The following MSRA variants were observed in gnomAD, a reference collection of about 807,000 sequenced individuals.
The protein encoded by MSRA is mitochondrial peptide methionine sulfoxide reductase.
MSRA carries 54 observed loss-of-function variants against 31.3 expected under a neutral mutation model. The ratio of observed to expected loss-of-function variants is 1.73; its 90% CI spans 1.39 to 2.17. The LOEUF is 2.17. Among genes scored for constraint, MSRA ranks in the 30% most tolerant of loss-of-function variants. The probability of loss-of-function intolerance (pLI) is 0.00; values close to 1 mark genes in which losing one functional copy is unlikely to be tolerated. For synonymous variants in MSRA, 169 were observed against 116.5 expected, an observed-to-expected ratio of 1.45 and a Z score of -2.90; for missense variants, 507 against 300.9, an observed-to-expected ratio of 1.69 and a Z score of -5.07.
intron 1 of MSRA, among the ~76,000 whole-genome samples, chr8:10,125,683 T>A (rs921710904): frequency 7.2e-5 from 11 of 152,164 alleles, no homozygotes; most frequent in South Asian, 2.1e-4. Context: ...CAGCCGAAAG[T>A]CTCTCGTGAA....
intron 1 of MSRA, among the ~76,000 whole-genome samples, chr8:10,187,104 T>C (rs1807121057): frequency 6.6e-6 from 1 of 152,226 alleles, no homozygotes; most frequent in African/African-American, 2.4e-5. Context: ...CATGGGTACC[T>C]GGCAGCATGC....
At chr8:10,332,985 A>T (rs1802793338) in intron 5 of MSRA, among the ~76,000 whole-genome samples, 1 of 152,106 alleles carries the variant, frequency 6.6e-6, no homozygotes, top group Admixed American at 6.5e-5. Flanking sequence ...TCTTTTATTC[A>T]CTTGCACTGA....
At chr8:10,198,323 T>TG (rs1563208368) in intron 1 of MSRA, among the ~76,000 whole-genome samples, 1 of 151,936 alleles carries the variant, frequency 6.6e-6, no homozygotes, top group Non-Finnish European at 1.5e-5. Context: ...TATTTTTTTT[T>TG]TTGTTGTTCT....
At chr8:10,243,053 G>C (rs979505336) in intron 2 of MSRA, among the ~76,000 whole-genome samples, 1 of 152,078 alleles carries the variant, frequency 6.6e-6, no homozygotes, top group African/African-American at 2.4e-5. Context: ...GCTTGGTTTG[G>C]CCAAGAACAT....
rs563654888 is a variant in MSRA, at chr8:10,080,607, C to G, written c.142+25949C>G. Among the ~76,000 whole-genome samples, 12 of 152,050 alleles carry G rather than the reference C, an allele frequency of 7.9e-5. No homozygotes were observed. In the South Asian group the frequency reaches 2.5e-3, roughly 32 times the overall value. On this transcript the variant is annotated intron_variant, in intron 1 of 5. Coordinates refer to ENST00000317173, the MANE Select transcript of MSRA (RefSeq NM_012331.5). ...GTAGCACAGTCCCAGCTTACTGCAG[C>G]CTTGAACTTCTGGGCTCACGCAATC...
At chr8:10,194,562 A>G (rs1362274473) in intron 1 of MSRA, among the ~76,000 whole-genome samples, 1 of 152,216 alleles carries the variant, frequency 6.6e-6, no homozygotes, top group African/African-American at 2.4e-5. Flanking sequence ...CAGAGTGAGG[A>G]AAAAAACCAA....
chr8:10,324,013 G>A (rs202020406), intron 5 of MSRA, among the ~76,000 whole-genome samples: 1 of 152,190 alleles, frequency 6.6e-6, no homozygotes, highest in East Asian at 1.9e-4. Context: ...GAGATGAGTT[G>A]AAAGTTCAGT....
intron 3 of MSRA, among the ~76,000 whole-genome samples, chr8:10,249,630 C>G (rs780516627): frequency 1.3e-5 from 2 of 152,170 alleles, no homozygotes; most frequent in Admixed American, 6.5e-5. Context: ...AGCCACCCAC[C>G]ACCAGCTTCT....
intron 3 of MSRA, among the ~76,000 whole-genome samples, chr8:10,272,811 C>T (rs1799118141): frequency 6.6e-6 from 1 of 152,188 alleles, no homozygotes; most frequent in Non-Finnish European, 1.5e-5. Flanking sequence ...ATCTTTCAAT[C>T]ACTAGACACT....
At chr8:10,258,700 C>T (rs983000031) in intron 3 of MSRA, among the ~76,000 whole-genome samples, 3 of 152,238 alleles carry the variant, frequency 2.0e-5, no homozygotes, top group African/African-American at 7.2e-5. Flanking sequence ...TAGCTCCCTT[C>T]TCCCACGTGG....
chr8:10,268,604 T>TAA (rs1798868332), intron 3 of MSRA, among the ~76,000 whole-genome samples: 1 of 152,242 alleles, frequency 6.6e-6, no homozygotes, highest in Non-Finnish European at 1.5e-5. Context: ...GCTAATTGAC[T>TAA]AACTATACAA....
intron 3 of MSRA, among the ~76,000 whole-genome samples, chr8:10,254,061 T>C (rs4841297): frequency 0.56 from 85,606 of 151,696 alleles, 26,142 homozygotes; most frequent in Non-Finnish European, 0.68. Context: ...GCCTGGGAGT[T>C]ATTTACAAAC....
chr8:10,282,982 T>C (rs939547965), intron 3 of MSRA, among the ~76,000 whole-genome samples: 15 of 152,044 alleles, frequency 9.9e-5, no homozygotes, highest in African/African-American at 3.4e-4. Flanking sequence ...AAATGCATAG[T>C]GTTGCAGACT....
At chr8:10,292,858 G>C (rs1800319269) in intron 3 of MSRA, among the ~76,000 whole-genome samples, 1 of 152,138 alleles carries the variant, frequency 6.6e-6, no homozygotes, top group Non-Finnish European at 1.5e-5. Flanking sequence ...CCGGTGGTGG[G>C]TGTGAGGGGT....
At chr8:10,247,614 C>T (rs1200898688) in intron 3 of MSRA, among the ~76,000 whole-genome samples, 1 of 152,104 alleles carries the variant, frequency 6.6e-6, no homozygotes, top group Non-Finnish European at 1.5e-5. Context: ...ATGGAAACCA[C>T]AGAGACTGGT....
Position 10,301,303 on chromosome 8 carries a change from A to G in MSRA, c.332-231A>G, listed in dbSNP as rs551967385. The stretch of plus-strand genomic sequence containing the variant: ...ACTTAAAACAATTTATTAGAGCACA[A>G]TGTAGAAGTCATCGCAGCAAGCTCC... On this transcript the variant is annotated intron_variant, in intron 3 of 5. Coordinates refer to ENST00000317173, the MANE Select transcript of MSRA (RefSeq NM_012331.5). Among the ~76,000 whole-genome samples, 9 of 152,294 alleles carry G rather than the reference A, an allele frequency of 5.9e-5. No individual in the cohort carries two copies. In the East Asian group the frequency reaches 1.7e-3, roughly 29 times the overall value.
intron 1 of MSRA, among the ~76,000 whole-genome samples, chr8:10,152,408 G>A (rs1405737919): frequency 6.6e-6 from 1 of 152,164 alleles, no homozygotes; most frequent in Non-Finnish European, 1.5e-5. Flanking sequence ...GAGCCAGTGT[G>A]TGTCAGCTTC....
At chr8:10,308,555 C>T (rs1023200394) in intron 4 of MSRA, among the ~76,000 whole-genome samples, 4 of 152,186 alleles carry the variant, frequency 2.6e-5, no homozygotes, top group Admixed American at 1.3e-4. Flanking sequence ...AGCACTTTGC[C>T]GGTTGCCCGA....
intron 1 of MSRA, among the ~76,000 whole-genome samples, chr8:10,158,031 A>T (rs1393429189): frequency 2.0e-5 from 3 of 152,218 alleles, no homozygotes; most frequent in African/African-American, 7.2e-5. Context: ...TCAAGGAGCC[A>T]GCAGATTTGG....
Sources: gnomAD v4.1 joint callset for allele counts (sites outside exome capture counted in the v4.1 genomes callset) on GRCh38, gnomAD v4.1.1 for gene constraint, MANE v1.5 for transcripts, NCBI Gene and HGNC (gene_info 2026-07-23, HGNC 2026-07-21) for gene names.